TM4SF4: variants seen among roughly 807,000 people sequenced by gnomAD.
TM4SF4 encodes the protein transmembrane 4 L six family member 4.
Under a neutral mutation model 24.1 loss-of-function variants are expected in TM4SF4, and 24 were observed. That is an observed-to-expected ratio of 1.00 (90% CI 0.72 to 1.40). The LOEUF is 1.40. Ranked by LOEUF, TM4SF4 falls within the 40% of genes most tolerant of loss-of-function variation. The probability of loss-of-function intolerance (pLI) is 0.00; values close to 1 mark genes in which losing one functional copy is unlikely to be tolerated. For synonymous variants in TM4SF4, 113 were observed against 97.0 expected (o/e 1.17, Z -0.97); for missense variants, 254 against 254.2 (o/e 1.00, Z 0.01).
chr3:149,478,856 T>C (rs1320058202), intron 2 of TM4SF4, among the ~76,000 whole-genome samples: 1 of 152,198 alleles, frequency 6.6e-6, no homozygotes, highest in African/African-American at 2.4e-5. Context: ...CTCCACCTCT[T>C]GGGTACAAGC....
Position 149,474,998 on chromosome 3 carries a change from C to G in TM4SF4, c.121C>G (p.His41Asp), listed in dbSNP as rs1443531439. ...PGGKVIDDND[H>D]LSQEIWFFGG... ...AGGAAAAGTGATAGATGACAACGAC[C>G]ACCTTTCCCAAGAGATCTGGTTTTT... The change falls in exon 1 of 5, where the codon CAC becomes GAC. Residue 41 changes from histidine (H) to aspartate (D), a missense_variant. Transcript: ENST00000305354. 6.2e-7 allele frequency: 1 copy of G among 1,613,834 alleles called. No individual in the cohort carries two copies. Among genetic ancestry groups the G allele is most frequent in the Admixed American group, 1.7e-5 (1 of 59,998 alleles).
At chr3:149,487,314 A>G (rs925599647) in intron 2 of TM4SF4, among the ~76,000 whole-genome samples, 7 of 152,208 alleles carry the variant, frequency 4.6e-5, no homozygotes, top group African/African-American at 1.7e-4. Context: ...TTGGCTTTAT[A>G]TATCAGCCCT....
Position 149,475,826 on chromosome 3 carries a change from A to G in TM4SF4, c.178A>G (p.Ile60Val). The G allele has an allele frequency of 6.2e-7, 1 of 1,609,714 alleles. No individual in the cohort carries two copies. The highest frequency in any genetic ancestry group is 8.5e-7 in the Non-Finnish European group (1 of 1,178,148). ...GAGGTGCCTCTTCTCCTGGTAGATG[A>G]TCTTCCCTGCGCTGGTGTTCTTGGG... ...GGILGSGVLM[I>V]FPALVFLGLK... The change falls in exon 2 of 5, where the codon ATC (isoleucine) becomes GTC (valine). Residue 60 changes from isoleucine (I) to valine (V), a missense_variant. By Grantham distance (29) the Ile-to-Val change is conservative. Transcript: ENST00000305354.
At chr3:149,483,360 A>C (rs942424835) in intron 2 of TM4SF4, among the ~76,000 whole-genome samples, 1 of 152,164 alleles carries the variant, frequency 6.6e-6, no homozygotes, top group Admixed American at 6.5e-5. Context: ...CAGTACTGTA[A>C]TCCCAGTATT....
chr3:149,474,736 C>T lies in TM4SF4; in HGVS notation c.-142C>T. On this transcript the variant is annotated 5_prime_UTR_variant, in exon 1 of 5. Coordinates refer to ENST00000305354, the MANE Select transcript of TM4SF4 (RefSeq NM_004617.4). ...GAAGCAACTCCAAGGACACAGTTCA[C>T]AGAAATTTGGTTCTCAGCCCCAAAA... 1 of 791,718 alleles carries T rather than the reference C, an allele frequency of 1.3e-6. No individual in the cohort carries two copies. Among genetic ancestry groups the T allele is most frequent in the South Asian group, 2.2e-5 (1 of 44,832 alleles). 49.0% of individuals were successfully genotyped at this position (791,718 alleles called of 1,614,324 possible).
At chr3:149,481,139 A>G (rs6440617) in intron 2 of TM4SF4, among the ~76,000 whole-genome samples, 10 of 151,976 alleles carry the variant, frequency 6.6e-5, no homozygotes, top group African/African-American at 2.4e-4. Flanking sequence ...GGATTACAGT[A>G]GTGAGCCACC....
At chr3:149,487,899 T>A in intron 3 of TM4SF4, 144 bp downstream of exon 3, 2 of 1,179,230 alleles carry the variant, frequency 1.7e-6, no homozygotes, top group Admixed American at 4.9e-5. Flanking sequence ...GAGATGGAGT[T>A]GTGGAATACA....
chr3:149,478,445 G>A (rs374069176), intron 2 of TM4SF4, among the ~76,000 whole-genome samples: 3 of 151,952 alleles, frequency 2.0e-5, no homozygotes, highest in South Asian at 2.1e-4. Flanking sequence ...ACACCTGGCC[G>A]GAAAAAAAAT....
At chr3:149,502,565 C>A in intron 4 of TM4SF4, 111 bp from the exon 5 acceptor site, 2 of 784,212 alleles carry the variant, frequency 2.6e-6, no homozygotes, top group South Asian at 1.4e-5. Context: ...ATTCAATAGG[C>A]AACCATTAAG....
intron 3 of TM4SF4, among the ~76,000 whole-genome samples, chr3:149,489,326 C>T (rs1037425997): frequency 1.6e-4 from 24 of 152,206 alleles, no homozygotes; most frequent in African/African-American, 5.8e-4. Flanking sequence ...TCAAGGAGCC[C>T]TCTATTAATT....
rs1384518716 is a variant in TM4SF4 at position 149,479,121 on chromosome 3, T to C, written c.264+3209T>C. On this transcript the variant is annotated intron_variant, in intron 2 of 4. Transcript: ENST00000305354. ...TTTTTAAAAATTCAGAGAGAGAACA[T>C]TTTTTCCCCAAGAAATAAAAAATTA... Among the ~76,000 whole-genome samples the C allele has an allele frequency of 2.0e-5, 3 of 152,048 alleles. No individual in the cohort carries two copies. In the East Asian group the frequency reaches 5.8e-4, roughly 29 times the overall value.
chr3:149,492,150 G>A (rs1248555229), intron 3 of TM4SF4, among the ~76,000 whole-genome samples: 2 of 152,074 alleles, frequency 1.3e-5, no homozygotes, highest in Non-Finnish European at 2.9e-5. Flanking sequence ...CAGCAGAATT[G>A]GGGCTCAAAA....
chr3:149,480,263 T>A (rs1484639492), intron 2 of TM4SF4, among the ~76,000 whole-genome samples: 3 of 152,174 alleles, frequency 2.0e-5, no homozygotes, highest in African/African-American at 7.2e-5. Context: ...TTCTAAAAAA[T>A]GGATCTCTTG....
At chr3:149,491,302 A>AAAAAAAAAAAAAT (rs1734205777) in intron 3 of TM4SF4, among the ~76,000 whole-genome samples, 1 of 150,980 alleles carries the variant, frequency 6.6e-6, no homozygotes. Context: ...CTACAAAAAA[A>AAAAAAAAAAAAAT]AAAAATTAAA....
chr3:149,483,849 C>T (rs977295852), intron 2 of TM4SF4, among the ~76,000 whole-genome samples: 2 of 151,782 alleles, frequency 1.3e-5, no homozygotes, highest in South Asian at 2.1e-4. Flanking sequence ...GGTGTGATCT[C>T]GGCTCGCTGC....
intron 3 of TM4SF4, chr3:149,496,025 C>T (rs913353063): frequency 8.4e-6 from 2 of 237,866 alleles, no homozygotes; most frequent in Non-Finnish European, 1.7e-5. Context: ...GTTCCTAACA[C>T]CTGCCACTAC....
chr3:149,488,690 C>T (rs1734162298), intron 3 of TM4SF4, among the ~76,000 whole-genome samples: 1 of 152,206 alleles, frequency 6.6e-6, no homozygotes, highest in South Asian at 2.1e-4. Context: ...TAGAACATTT[C>T]CATCATGGTA....
intron 3 of TM4SF4, among the ~76,000 whole-genome samples, chr3:149,490,673 A>G (rs1395195143): frequency 1.3e-5 from 2 of 152,144 alleles, no homozygotes; most frequent in East Asian, 1.9e-4. Context: ...TCCTTTTACT[A>G]TACAGTACTA....
intron 4 of TM4SF4, among the ~76,000 whole-genome samples, chr3:149,502,239 TA>T (rs1179060387): frequency 6.6e-6 from 1 of 152,186 alleles, no homozygotes; most frequent in African/African-American, 2.4e-5. Flanking sequence ...CTTACCAAAT[TA>T]TTTTTTTAAA....
Sources: gnomAD v4.1 joint callset for allele counts (sites outside exome capture counted in the v4.1 genomes callset) on GRCh38, gnomAD v4.1.1 for gene constraint, MANE v1.5 for transcripts, NCBI Gene and HGNC (gene_info 2026-07-23, HGNC 2026-07-21) for gene names.